Variants in GSDMA observed in about 807,000 individuals in gnomAD.
GSDMA encodes the protein gasdermin A, also known as gasdermin-A.
GSDMA carries 55 observed loss-of-function variants against 54.3 expected under a neutral mutation model. That is an observed-to-expected ratio of 1.01 (90% confidence interval 0.82 to 1.27). The LOEUF (loss-of-function observed/expected upper bound fraction) is 1.27. Among genes scored for constraint, GSDMA ranks in the 50% most tolerant of loss-of-function variants. GSDMA has a pLI of 0.00. For missense variants in GSDMA, 542 were observed against 542.6 expected (o/e 1.00, Z 0.01); for synonymous variants, 211 against 224.7 (o/e 0.94, Z 0.54).
chr17:39,970,139 AG>A (rs977031488), intron 3 of GSDMA, among the ~76,000 whole-genome samples: 13 of 151,772 alleles, frequency 8.6e-5, no homozygotes, highest in African/African-American at 2.4e-4. Context: ...GGGAGGAAAG[AG>A]GGGGGGAGCA....
chr17:39,974,399 A>C lies in GSDMA; in HGVS notation c.878A>C (p.Lys293Thr). The change falls in exon 9 of 12, where the codon AAA (lysine) becomes ACA (threonine). Residue 293 changes from lysine to threonine, a missense_variant. Transcript: ENST00000301659. ...LSSLSKLLGK[K>T]KELQDLELAL... is the part of the protein sequence containing the mutation. ...TCCCTCAGCAAACTTCTAGGGAAGA[A>C]AAAGGAGCTACAAGACCTTGAGCTC... The C allele has an allele frequency of 6.3e-7, 1 of 1,589,728 alleles. No individual in the cohort carries two copies. The highest frequency in any genetic ancestry group is 8.6e-7 in the Non-Finnish European group (1 of 1,168,244).
chr17:39,972,666 C>A, intron 7 of GSDMA, 53 bp downstream of exon 7: 1 of 1,499,526 alleles, frequency 6.7e-7, no homozygotes, highest in Non-Finnish European at 9.2e-7. Context: ...AATTTTAAAA[C>A]TCCAGTCTTT....
intron 11 of GSDMA, among the ~76,000 whole-genome samples, chr17:39,976,568 T>C (rs1980208946): frequency 6.6e-6 from 1 of 152,094 alleles, no homozygotes; most frequent in East Asian, 1.9e-4. Flanking sequence ...GTGAGCCACC[T>C]CGCCTGGCCT....
In GSDMA at chr17:39,965,832, TG is replaced by T; in HGVS notation, c.151del (p.Ala51ProfsTer49). The T allele has an allele frequency of 1.3e-6, 2 of 1,581,764 alleles. No homozygotes were observed. Among genetic ancestry groups the T allele is most frequent in the East Asian group, 2.3e-5 (1 of 42,956 alleles). On this transcript the variant is annotated frameshift_variant, in exon 2 of 12. Coordinates refer to ENST00000301659, the MANE Select transcript of GSDMA (RefSeq NM_178171.5). LOFTEE classifies it high-confidence loss of function. ...GAGGAAGAGGAAGAGCACGCTCTTC[TG>T]GGGGGCCCGGTACGTCCGCACCGAC... ...VLRKRKSTLF[W>X]GARYVRTDYT...
In GSDMA at chr17:39,975,910, C is replaced by T. The variant is rs1023233326; in HGVS notation, c.1022-14C>T. On this transcript the variant is annotated splice_polypyrimidine_tract_variant and intron_variant, in intron 10 of 11. Coordinates refer to ENST00000301659, the MANE Select transcript of GSDMA (RefSeq NM_178171.5). ...CACCAGCAACACACATCTTTCTCTG[C>T]TTTTTTTCTCCAGAGCTAAGTGAAG... 2 of 1,581,546 alleles carry T rather than the reference C, an allele frequency of 1.3e-6. No individual in the cohort carries two copies. Among genetic ancestry groups the T allele is most frequent in the South Asian group, 1.2e-5 (1 of 86,246 alleles).
At chr17:39,976,069 T>G (rs1980187098) in intron 11 of GSDMA, 72 bp downstream of exon 11, 2 of 1,160,914 alleles carry the variant, frequency 1.7e-6, no homozygotes, top group South Asian at 2.7e-5. Context: ...AGATTTCGCC[T>G]AAGGATGGAG....
intron 3 of GSDMA, among the ~76,000 whole-genome samples, chr17:39,970,230 G>A (rs745416919): frequency 1.3e-5 from 2 of 152,166 alleles, no homozygotes; most frequent in African/African-American, 2.4e-5. Flanking sequence ...CCCAATTACC[G>A]AGTTTATCTC....
intron 9 of GSDMA, 108 bp downstream of exon 9, chr17:39,974,535 T>C: frequency 7.8e-7 from 1 of 1,277,662 alleles, no homozygotes; most frequent in East Asian, 2.5e-5. Context: ...GGGCAGGAGG[T>C]GGGTGGCCAG....
At chr17:39,973,233 A>G (rs912097629) in intron 7 of GSDMA, among the ~76,000 whole-genome samples, 3 of 151,010 alleles carry the variant, frequency 2.0e-5, no homozygotes, top group Non-Finnish European at 4.4e-5. Flanking sequence ...TCAGCCTCCC[A>G]AAGTATTGGG....
Position 39,972,108 on chromosome 17 carries a change from TC to T in GSDMA, c.656-18del. The T allele has an allele frequency of 1.4e-5, 5 of 359,746 alleles. No homozygotes were observed. The highest frequency in any genetic ancestry group is 2.7e-5 in the Non-Finnish European group (5 of 184,058). 22.3% of individuals were successfully genotyped at this position (359,746 alleles called of 1,614,324 possible). The stretch of plus-strand genomic sequence containing the variant: ...GCAGCTGCTAAGTGTCCTCCCACCC[TC>T]CCTCCCTTGCCCTTCACAGATATTC... On this transcript the variant is annotated intron_variant, in intron 5 of 11. Transcript: ENST00000301659.
At chr17:39,973,735 G>A in intron 7 of GSDMA, 75 bp from the exon 8 acceptor site, 1 of 1,236,448 alleles carries the variant, frequency 8.1e-7, no homozygotes. Context: ...ATCTTCCTTA[G>A]TGTCTCAACC....
Position 39,971,505 on chromosome 17 carries a change from T to G in GSDMA, c.559-19T>G, listed in dbSNP as rs1979936009. The G allele has an allele frequency of 6.3e-7, 1 of 1,591,084 alleles. No homozygotes were observed. The highest frequency in any genetic ancestry group is 8.6e-7 in the Non-Finnish European group (1 of 1,159,218). On this transcript the variant is annotated intron_variant, in intron 4 of 11. Transcript: ENST00000301659. ...TTAAGATGTCCAGAGATTCACAAAT[T>G]CTCATTGTCTAATTCTAGGGATCCA...
At chr17:39,964,061 A>T (rs1979526227) in intron 1 of GSDMA, among the ~76,000 whole-genome samples, 1 of 152,188 alleles carries the variant, frequency 6.6e-6, no homozygotes, top group Non-Finnish European at 1.5e-5. Context: ...GTCACAGACG[A>T]GTTGCTGATA....
intron 5 of GSDMA, 26 bp downstream of exon 5, chr17:39,971,646 C>T (rs777137182): frequency 5.9e-5 from 92 of 1,561,716 alleles, no homozygotes; most frequent in Non-Finnish European, 7.8e-5. Context: ...CATGTTCTCC[C>T]CACAAGATGA....
chr17:39,967,842 T>A (rs937029433), intron 3 of GSDMA, among the ~76,000 whole-genome samples: 4 of 151,576 alleles, frequency 2.6e-5, no homozygotes, highest in South Asian at 2.1e-4. Flanking sequence ...CCGGATAATT[T>A]TTTATTTATT....
Position 39,976,113 on chromosome 17 carries a change from C to T in GSDMA, c.1095+116C>T, listed in dbSNP as rs927541592. On this transcript the variant is annotated intron_variant, in intron 11 of 11. Coordinates refer to ENST00000301659, the MANE Select transcript of GSDMA (RefSeq NM_178171.5). ...GAGGATCCCTGTCTTATCCCAGGGG[C>T]TTATGCCCACTCCTCCTTTCTCTCT... is the stretch of plus-strand genomic sequence containing the variant. 3.5e-5 allele frequency: 22 copies of T among 631,246 alleles called. 1 individual carries two copies. In the South Asian group the frequency reaches 4.5e-4, roughly 13 times the overall value. 39.1% of individuals were successfully genotyped at this position (631,246 alleles called of 1,614,324 possible). A position where few individuals can be genotyped will look rare whatever the true frequency, so the allele number is the denominator to read the frequency against.
intron 10 of GSDMA, 27 bp from the exon 11 acceptor site, chr17:39,975,897 A>G: frequency 6.4e-7 from 1 of 1,552,192 alleles, no homozygotes; most frequent in South Asian, 1.2e-5. Flanking sequence ...CCAGCAACAC[A>G]CATCTTTCTC....
chr17:39,972,962 C>T (rs1980021488), intron 7 of GSDMA, among the ~76,000 whole-genome samples: 2 of 151,812 alleles, frequency 1.3e-5, no homozygotes, highest in South Asian at 4.2e-4. Flanking sequence ...GAGACAATGT[C>T]TCTATTTAAA....
chr17:39,966,276 G>C lies in GSDMA; in HGVS notation c.231G>C (p.Gly77=), dbSNP rs1266635829. 6.2e-7 allele frequency: 1 copy of C among 1,613,954 alleles called. No individual in the cohort carries two copies. Residue 77 remains glycine (G), a synonymous_variant, in exon 3 of 12, where the codon GGG becomes GGC. Transcript: ENST00000301659. ...CTCCTGCAGACCCAACAGACACTGGGAATTTTGGCTTTAAGAATATGCTGG... is the reference window on the plus strand; with the variant it reads ...CTCCTGCAGACCCAACAGACACTGGCAATTTTGGCTTTAAGAATATGCTGG... The part of the protein sequence containing the change: ...GSSPSDPTDT[G]NFGFKNMLDT...
Sources: gnomAD v4.1 joint callset for allele counts (sites outside exome capture counted in the v4.1 genomes callset) on GRCh38, gnomAD v4.1.1 for gene constraint, MANE v1.5 for transcripts, NCBI Gene and HGNC (gene_info 2026-07-23, HGNC 2026-07-21) for gene names.